Variants in BICD2 observed in about 807,000 individuals in gnomAD.
BICD2 encodes protein bicaudal D homolog 2.
Under a neutral mutation model 72.9 loss-of-function variants are expected in BICD2, and 25 were observed. The observed-to-expected ratio is 0.34, with a 90% CI of 0.25 to 0.48. The LOEUF is 0.48. Among genes scored for constraint, BICD2 ranks in the 20% least tolerant of loss-of-function variants. The pLI is 0.99. For synonymous variants in BICD2, 501 were observed against 516.1 expected (o/e 0.97, Z 0.40); for missense variants, 894 against 1,175.2 (o/e 0.76, Z 3.50).
In BICD2 at chr9:92,714,425, G is replaced by A. The variant is rs1237506593; in HGVS notation, c.*729C>T. 2 of 985,368 alleles carry A rather than the reference G, an allele frequency of 2.0e-6. No homozygotes were observed. Among genetic ancestry groups the A allele is most frequent in the African/African-American group, 1.7e-5 (1 of 57,238 alleles). 61.0% of individuals were successfully genotyped at this position (985,368 alleles called of 1,614,324 possible). ...ATGAAAACCTGGGGCCTTGGGCCCT[G>A]CCAATCTGTCACCTCACAGGCCACT... On this transcript the variant is annotated 3_prime_UTR_variant, in exon 7 of 7. Transcript: ENST00000356884.
intron 2 of BICD2, among the ~76,000 whole-genome samples, chr9:92,728,407 A>G (rs533058279): frequency 2.0e-5 from 3 of 152,162 alleles, no homozygotes; most frequent in Non-Finnish European, 4.4e-5. Flanking sequence ...CCATGTACCA[A>G]TGGCTGTCCA....
chr9:92,744,236 C>T (rs1853959198), intron 1 of BICD2, among the ~76,000 whole-genome samples: 1 of 152,186 alleles, frequency 6.6e-6, no homozygotes, highest in African/African-American at 2.4e-5. Flanking sequence ...CCTACAAATA[C>T]AAGCAGCAAT....
Position 92,714,907 on chromosome 9 carries a change from C to T in BICD2, c.*247G>A. 7.5e-7 allele frequency: 1 copy of T among 1,334,158 alleles called. No individual in the cohort carries two copies. Among genetic ancestry groups the T allele is most frequent in the South Asian group, 2.0e-5 (1 of 49,734 alleles). The allele number at this position is 1,334,158 out of a possible 1,614,324, so 82.6% of individuals were successfully genotyped here. ...GCTGCAAGAATGTGCAGCTCTATCCCCACCTCTGACCCCCACCTAAGAGAG... is the reference window on the plus strand; with the variant it reads ...GCTGCAAGAATGTGCAGCTCTATCCTCACCTCTGACCCCCACCTAAGAGAG... On this transcript the variant is annotated 3_prime_UTR_variant, in exon 7 of 7. Transcript: ENST00000356884.
Position 92,720,459 on chromosome 9 carries a change from ATTGACCAG to A in BICD2, c.895_902del (p.Leu299TrpfsTer3). On this transcript the variant is annotated frameshift_variant, in exon 4 of 7. Coordinates refer to ENST00000356884, the MANE Select transcript of BICD2 (RefSeq NM_001003800.2). LOFTEE classifies it high-confidence loss of function. This position sits in a 1 kb window ranked among gnomAD's most constrained non-coding sequence, Gnocchi z 5.4. ...TGGCCAGGCCGCCGTGCTCAAAGCC[ATTGACCAG>A]GGCCTCGGCATCGTTGTTGGGCTCG... The A allele has an allele frequency of 6.2e-7, 1 of 1,614,184 alleles. No homozygotes were observed. The highest frequency in any genetic ancestry group is 8.5e-7 in the Non-Finnish European group (1 of 1,180,034).
intron 1 of BICD2, among the ~76,000 whole-genome samples, chr9:92,731,661 C>T (rs1461641520): frequency 6.6e-6 from 1 of 152,040 alleles, no homozygotes; most frequent in East Asian, 1.9e-4. Flanking sequence ...CGTGGCAGAC[C>T]CTGTCAAGGA....
At chr9:92,749,456 G>A (rs531157263) in intron 1 of BICD2, among the ~76,000 whole-genome samples, 4 of 152,288 alleles carry the variant, frequency 2.6e-5, no homozygotes, top group African/African-American at 9.6e-5. Flanking sequence ...AGGGAACACT[G>A]TAGGGCTGTG....
At chr9:92,762,565 C>T (rs563660559) in intron 1 of BICD2, among the ~76,000 whole-genome samples, 17 of 152,276 alleles carry the variant, frequency 1.1e-4, no homozygotes, top group African/African-American at 4.1e-4. Flanking sequence ...TAAAGAGTAC[C>T]CACAGAAACA....
chr9:92,755,083 T>C (rs1279795092), intron 1 of BICD2, among the ~76,000 whole-genome samples: 4 of 152,222 alleles, frequency 2.6e-5, no homozygotes, highest in South Asian at 4.1e-4. Flanking sequence ...GCATGGAACG[T>C]CCCTGAGAAA....
chr9:92,739,578 G>C (rs1587682226), intron 1 of BICD2, among the ~76,000 whole-genome samples: 1 of 152,188 alleles, frequency 6.6e-6, no homozygotes, highest in African/African-American at 2.4e-5. Context: ...TTTGGAGCAA[G>C]ACCCGACCCC....
chr9:92,756,022 T>C (rs1854247794), intron 1 of BICD2, among the ~76,000 whole-genome samples: 1 of 151,890 alleles, frequency 6.6e-6, no homozygotes, highest in Non-Finnish European at 1.5e-5. Context: ...CTAGTAAGAG[T>C]ATGAGTGGTC....
At position 92,715,244 on chromosome 9, in the gene BICD2, G is replaced by A. The variant is rs567357617; in HGVS notation, c.2478C>T (p.His826=). 6.2e-7 allele frequency: 1 copy of A among 1,613,344 alleles called. No individual in the cohort carries two copies. The highest frequency in any genetic ancestry group is 1.3e-5 in the African/African-American group (1 of 75,068). The part of the protein sequence containing the change: ...KTKPATPSVS[H]TCACASDRAE... ...CCCTGTCGCTGGCACAGGCACAGGT[G>A]TGACTTACGCTCGGTGTGGCTGGCT... Residue 826 remains histidine, a synonymous_variant, in exon 7 of 7, where the codon CAC becomes CAT. Transcript: ENST00000356884.
rs1276239907 is a variant in BICD2, at chr9:92,761,447, T to TATGACACC, written c.240+3050_240+3057dup. ...ACAATGGTGCTCCAGAGCTTGACACTATGACACCAAGGTGGCACACCAAGG... is the reference window on the plus strand; with the variant it reads ...ACAATGGTGCTCCAGAGCTTGACACTATGACACCATGACACCAAGGTGGCACACCAAGG... On this transcript the variant is annotated intron_variant, in intron 1 of 6. Transcript: ENST00000356884. 2.0e-5 allele frequency among the ~76,000 whole-genome samples: 3 copies of TATGACACC among 152,206 alleles called. No homozygotes were observed. The East Asian group carries it at 5.8e-4, about 29-fold the overall frequency.
At chr9:92,728,886 A>G in intron 2 of BICD2, 138 bp downstream of exon 2, 1 of 896,946 alleles carries the variant, frequency 1.1e-6, no homozygotes, top group Non-Finnish European at 1.7e-6. Flanking sequence ...GGAGGATGAG[A>G]CCAGGAAAGC....
intron 1 of BICD2, among the ~76,000 whole-genome samples, chr9:92,752,973 A>G (rs1019729874): frequency 6.6e-6 from 1 of 152,190 alleles, no homozygotes; most frequent in Non-Finnish European, 1.5e-5. Flanking sequence ...AGAAAGAATA[A>G]CTTTAGAGTG....
intron 2 of BICD2, among the ~76,000 whole-genome samples, chr9:92,723,061 C>T (rs1160543205): frequency 1.3e-5 from 2 of 152,154 alleles, no homozygotes; most frequent in Admixed American, 6.5e-5. Flanking sequence ...CTGCTCCGAC[C>T]CTTGGTTTCT....
chr9:92,723,638 T>C (rs939179986), intron 2 of BICD2, among the ~76,000 whole-genome samples: 1 of 152,208 alleles, frequency 6.6e-6, no homozygotes, highest in African/African-American at 2.4e-5. Context: ...GGGGCACATA[T>C]ATGTGACTAT....
chr9:92,736,690 C>A (rs540675365), intron 1 of BICD2, among the ~76,000 whole-genome samples: 2 of 152,172 alleles, frequency 1.3e-5, no homozygotes, highest in Non-Finnish European at 2.9e-5. Flanking sequence ...GATTCAAGAA[C>A]CCTCTCTTGG....
intron 6 of BICD2, among the ~76,000 whole-genome samples, chr9:92,716,520 G>A (rs560772717): frequency 1.7e-4 from 23 of 137,746 alleles, no homozygotes; most frequent in Non-Finnish European, 2.4e-4. Flanking sequence ...GAGAGAAGCA[G>A]GCCCTATGTG....
intron 1 of BICD2, among the ~76,000 whole-genome samples, chr9:92,746,457 C>T (rs1393204841): frequency 2.6e-5 from 4 of 151,058 alleles, no homozygotes; most frequent in Non-Finnish European, 4.4e-5. Flanking sequence ...TGCTTGAACC[C>T]GGGAGCAGAG....
Sources: gnomAD v4.1 joint callset for allele counts (sites outside exome capture counted in the v4.1 genomes callset) on GRCh38, gnomAD v4.1.1 for gene constraint, Gnocchi (gnomAD v3.1) non-coding constraint, MANE v1.5 for transcripts, NCBI Gene and HGNC (gene_info 2026-07-23, HGNC 2026-07-21) for gene names.